ARHGAP17: variants seen among roughly 807,000 people sequenced by gnomAD.
ARHGAP17 encodes Rho GTPase activating protein 17, also known as rho GTPase-activating protein 17.
Under a neutral mutation model 99.5 loss-of-function variants are expected in ARHGAP17, and 57 were observed. That is an observed-to-expected ratio of 0.57 (90% CI 0.46 to 0.71). ARHGAP17 has a LOEUF of 0.71. Among genes scored for constraint, ARHGAP17 ranks in the 30% least tolerant of loss-of-function variants. The pLI is 0.00. For missense variants in ARHGAP17, 1,000 were observed against 1,122.4 expected (o/e 0.89, Z 1.56); for synonymous variants, 417 against 429.6 (o/e 0.97, Z 0.36).
chr16:24,924,561 G>A (rs1278900034), intron 19 of ARHGAP17, among the ~76,000 whole-genome samples: 1 of 151,926 alleles, frequency 6.6e-6, no homozygotes. Context: ...GGTTTAGGGT[G>A]CTTTTAGAAA....
chr16:25,003,436 T>C (rs1407517995), intron 1 of ARHGAP17, among the ~76,000 whole-genome samples: 1 of 151,936 alleles, frequency 6.6e-6, no homozygotes, highest in Non-Finnish European at 1.5e-5. Flanking sequence ...GATTTCGCCG[T>C]GTTGGCCTGG....
In ARHGAP17 at chr16:25,015,147, CCGCGCCCTCCGCCCT is replaced by C. The variant is rs1394952880; in HGVS notation, c.53+47_53+61del. On this transcript the variant is annotated intron_variant, in intron 1 of 19. Coordinates refer to ENST00000289968, the MANE Select transcript of ARHGAP17 (RefSeq NM_001006634.3). ...GGACCGCGGAGGAGCCGTCCCGCCC[CCGCGCCCTCCGCCCT>C]CCGCCCCCAGCCCCGGTGCGACCCC... 1.4e-5 allele frequency: 17 copies of C among 1,218,268 alleles called. No homozygotes were observed. The African/African-American group carries it at 2.6e-4, about 19-fold the overall frequency. 75.5% of individuals were successfully genotyped at this position (1,218,268 alleles called of 1,614,324 possible). A position where few individuals can be genotyped will look rare whatever the true frequency, so the allele number is the denominator to read the frequency against.
chr16:24,964,249 T>A lies in ARHGAP17; in HGVS notation c.521A>T (p.Asp174Val). Residue 174 changes from aspartate (D) to valine (V), a missense_variant, in exon 7 of 20, where the codon GAT becomes GTT. Asp to Val is a radical substitution (Grantham distance 152). Transcript: ENST00000289968. ...TTCATCCATCTCTTCCTTTAGAGTA[T>A]CTATTTTTGATGGAAGCCCCTGAAA... ...TNFQGLPSKI[D>V]TLKEEMDEAG... The A allele has an allele frequency of 1.9e-6, 3 of 1,614,052 alleles. No homozygotes were observed. The highest frequency in any genetic ancestry group is 2.5e-6 in the Non-Finnish European group (3 of 1,179,966).
intron 15 of ARHGAP17, among the ~76,000 whole-genome samples, 197 bp downstream of exon 15, chr16:24,943,574 A>C (rs1028468767): frequency 1.3e-5 from 2 of 152,258 alleles, no homozygotes; most frequent in African/African-American, 4.8e-5. Flanking sequence ...TTTTAGTGAA[A>C]CTAAGTGAAA....
At chr16:24,972,831 ACT>A (rs36073562) in intron 3 of ARHGAP17, among the ~76,000 whole-genome samples, 45,857 of 151,920 alleles carry the variant, frequency 0.3, 8,146 homozygotes, top group Non-Finnish European at 0.42. Context: ...AAATAAGGAA[ACT>A]CTGCTTAACA....
intron 3 of ARHGAP17, among the ~76,000 whole-genome samples, chr16:24,971,872 C>T (rs1189007516): frequency 6.6e-6 from 1 of 152,172 alleles, no homozygotes; most frequent in African/African-American, 2.4e-5. Context: ...CAGGGAGACG[C>T]AGGAAAGTCA....
chr16:24,959,034 T>C (rs1178802024), intron 9 of ARHGAP17, among the ~76,000 whole-genome samples: 1 of 149,482 alleles, frequency 6.7e-6, no homozygotes, highest in Non-Finnish European at 1.5e-5. Context: ...CAGCTTTAGA[T>C]GCCCAACTTA....
chr16:24,930,775 C>T lies in ARHGAP17; in HGVS notation c.2515+9G>A, dbSNP rs747532433. On this transcript the variant is annotated intron_variant, in intron 19 of 19. Coordinates refer to ENST00000289968, the MANE Select transcript of ARHGAP17 (RefSeq NM_001006634.3). ...GACGAGGAAATACGGGCATTGATGT[C>T]CTACTTACCTGTTACTATCTTGGAA... is the stretch of plus-strand genomic sequence containing the variant. 4.3e-6 allele frequency: 7 copies of T among 1,614,050 alleles called. No individual in the cohort carries two copies. In the Admixed American group the frequency reaches 6.7e-5, roughly 15 times the overall value.
chr16:24,968,218 C>A, intron 6 of ARHGAP17, 133 bp downstream of exon 6: 1 of 925,672 alleles, frequency 1.1e-6, no homozygotes, highest in Non-Finnish European at 1.7e-6. Context: ...ATAGGAGGTG[C>A]TGGCAGGCTG....
At chr16:24,924,868 T>TA (rs145017005) in intron 19 of ARHGAP17, among the ~76,000 whole-genome samples, 9,474 of 147,744 alleles carry the variant, frequency 0.064, 358 homozygotes, top group Middle Eastern at 0.13. Context: ...GTCTCAAAAA[T>TA]AAAAAAAAAT....
intron 15 of ARHGAP17, among the ~76,000 whole-genome samples, chr16:24,942,443 G>A (rs967976696): frequency 8.5e-5 from 13 of 152,172 alleles, no homozygotes; most frequent in Non-Finnish European, 1.6e-4. Flanking sequence ...AGAGGACGAT[G>A]AGCACAGATC....
At chr16:24,986,019 C>A (rs2052858259) in intron 1 of ARHGAP17, among the ~76,000 whole-genome samples, 1 of 152,114 alleles carries the variant, frequency 6.6e-6, no homozygotes, top group Admixed American at 6.5e-5. Context: ...ACCACCAAAC[C>A]CTCCAGCCTC....
At chr16:24,928,286 A>G (rs2050892887) in intron 19 of ARHGAP17, among the ~76,000 whole-genome samples, 1 of 152,224 alleles carries the variant, frequency 6.6e-6, no homozygotes, top group East Asian at 1.9e-4. Flanking sequence ...TCTGTAATAC[A>G]AAGATAACTC....
At chr16:24,965,436 G>A (rs746679881) in intron 6 of ARHGAP17, among the ~76,000 whole-genome samples, 23 of 152,152 alleles carry the variant, frequency 1.5e-4, no homozygotes, top group African/African-American at 3.1e-4. Flanking sequence ...AGATCGCAAC[G>A]CCGCACTCCA....
intron 16 of ARHGAP17, 127 bp from the exon 17 acceptor site, chr16:24,939,724 C>T (rs749361451): frequency 5.2e-5 from 53 of 1,020,028 alleles, no homozygotes; most frequent in South Asian, 2.3e-4. Context: ...TGCAGTGAAG[C>T]GGCAAGGACC....
chr16:24,925,504 G>A (rs2050816695), intron 19 of ARHGAP17, among the ~76,000 whole-genome samples: 1 of 152,154 alleles, frequency 6.6e-6, no homozygotes, highest in African/African-American at 2.4e-5. Flanking sequence ...GTTTTCTAGG[G>A]CTATTAGAGA....
At chr16:25,000,111 A>C (rs1157079142) in intron 1 of ARHGAP17, among the ~76,000 whole-genome samples, 2 of 152,208 alleles carry the variant, frequency 1.3e-5, no homozygotes, top group Non-Finnish European at 1.5e-5. Context: ...CCTCAGACTC[A>C]AGTCCAATAC....
chr16:25,006,032 T>C (rs553904594), intron 1 of ARHGAP17, among the ~76,000 whole-genome samples: 28 of 152,274 alleles, frequency 1.8e-4, no homozygotes, highest in South Asian at 1.5e-3. Context: ...GGTGAGCAGC[T>C]ATAATCATTA....
chr16:24,977,157 G>A, intron 3 of ARHGAP17, 58 bp downstream of exon 3: 1 of 1,381,780 alleles, frequency 7.2e-7, no homozygotes, highest in Non-Finnish European at 9.6e-7. Flanking sequence ...CAATCCAGGG[G>A]TTGAAAAGCC....
Sources: allele counts gnomAD v4.1 joint callset (sites outside exome capture counted in the v4.1 genomes callset), GRCh38; gene constraint gnomAD v4.1.1; transcripts MANE v1.5; gene names NCBI Gene and HGNC (gene_info 2026-07-23, HGNC 2026-07-21).